The following USP6NL variants were observed in gnomAD, a reference collection of about 807,000 sequenced individuals.
The protein encoded by USP6NL is USP6 N-terminal-like protein.
In USP6NL, 26 loss-of-function variants were observed where a neutral mutation model predicts 61.9. The ratio of observed to expected loss-of-function variants is 0.42; its 90% CI spans 0.31 to 0.58. The LOEUF (loss-of-function observed/expected upper bound fraction) is 0.58. Among genes scored for constraint, USP6NL ranks in the 20% least tolerant of loss-of-function variants. The probability of loss-of-function intolerance (pLI) is 0.16; values close to 1 mark genes in which losing one functional copy is unlikely to be tolerated. For missense variants in USP6NL, 1,114 were observed against 1,034.3 expected (o/e 1.08, Z -1.06); for synonymous variants, 432 against 390.1 (o/e 1.11, Z -1.27).
chr10:11,514,376 T>C (rs1164551070), intron 5 of USP6NL, among the ~76,000 whole-genome samples: 2 of 152,196 alleles, frequency 1.3e-5, no homozygotes, highest in Non-Finnish European at 2.9e-5. Context: ...CCTTCTATAT[T>C]ATGAAATGAC....
intron 4 of USP6NL, among the ~76,000 whole-genome samples, chr10:11,523,458 T>C (rs1835288852): frequency 6.6e-6 from 1 of 152,208 alleles, no homozygotes; most frequent in Non-Finnish European, 1.5e-5. Flanking sequence ...GTGAATGTAG[T>C]TTTTTCTTAA....
In USP6NL at chr10:11,579,966, G is replaced by C. The variant is rs527266022; in HGVS notation, c.4+17665C>G. The stretch of plus-strand genomic sequence containing the variant: ...ACAAACCACCAGTGGAGAGTGGCGG[G>C]GGGGGGGCAGCAACGTCTAAAGACA... On this transcript the variant is annotated intron_variant, in intron 2 of 14. Coordinates refer to ENST00000609104, the MANE Select transcript of USP6NL (RefSeq NM_014688.5). Among the ~76,000 whole-genome samples, 12 of 148,482 alleles carry C rather than the reference G, an allele frequency of 8.1e-5. No homozygotes were observed. The South Asian group carries it at 2.0e-3, about 24-fold the overall frequency.
rs1832556178 is a variant in USP6NL at position 11,468,100 on chromosome 10, C to CCTT, written c.1079-4254_1079-4252dup. ...TTGATGGAGTCATGATGAGTGATCA[C>CCTT]CTTCTTTGCTTTCTGAGTGATCAAA... On this transcript the variant is annotated intron_variant, in intron 14 of 14. Coordinates refer to ENST00000609104, the MANE Select transcript of USP6NL (RefSeq NM_014688.5). This position sits in a 1 kb window ranked among gnomAD's most constrained non-coding sequence, Gnocchi z 4.5. 6.6e-6 allele frequency among the ~76,000 whole-genome samples: 1 copy of CCTT among 152,168 alleles called. No individual in the cohort carries two copies.
rs374844822 is a variant in USP6NL at position 11,597,621 on chromosome 10, G to A, written c.4+10C>T. 4 of 1,551,458 alleles carry A rather than the reference G, an allele frequency of 2.6e-6. No individual in the cohort carries two copies. In the African/African-American group the frequency reaches 5.5e-5, roughly 21 times the overall value. On this transcript the variant is annotated intron_variant, in intron 2 of 14. Transcript: ENST00000609104. This position sits in a 1 kb window ranked among gnomAD's most constrained non-coding sequence, Gnocchi z 4.6. The stretch of plus-strand genomic sequence containing the variant: ...GAGATGGCTGGAAGGAAAGGAAGCA[G>A]CGCACTTACTCATGACTGGAAATGG...
rs1424499495 is a variant in USP6NL at position 11,463,253 on chromosome 10, G to C, written c.1675C>G (p.Leu559Val). 1.2e-6 allele frequency: 2 copies of C among 1,613,664 alleles called. No individual in the cohort carries two copies. The highest frequency in any genetic ancestry group is 2.7e-5 in the African/African-American group (2 of 75,066). ...TCCTCCACGGAAGCGCCGCTGTCCA[G>C]CTCCGGGCCTGGCACGTTGTCGTAC... ...SQYDNVPGPE[L>V]DSGASVEEAL... The change falls in exon 15 of 15, where the codon CTG becomes GTG. Residue 559 changes from leucine to valine, a missense_variant. Leu to Val is a conservative substitution (Grantham distance 32). Coordinates refer to ENST00000609104, the MANE Select transcript of USP6NL (RefSeq NM_014688.5). The surrounding 1 kb of genome is among the most constrained non-coding windows in gnomAD (Gnocchi z 6.3).
intron 2 of USP6NL, chr10:11,564,980 T>G (rs896937170): frequency 6.6e-6 from 1 of 152,222 alleles, no homozygotes; most frequent in Non-Finnish European, 1.5e-5. Flanking sequence ...GTACTGCCAT[T>G]TATTAAGCAA....
At chr10:11,483,280 A>G (rs1363517395) in intron 13 of USP6NL, among the ~76,000 whole-genome samples, 1 of 152,018 alleles carries the variant, frequency 6.6e-6, no homozygotes, top group Middle Eastern at 3.2e-3. Flanking sequence ...TATGCTTAAC[A>G]TTTATTTACA....
At position 11,599,821 on chromosome 10, in the gene USP6NL, G is replaced by A. The variant is rs141565842; in HGVS notation, c.-83-2104C>T. ...ACTACAGGGACCTGCCACCACGCCC[G>A]GCTAATTTTTTGTATTTTTCACAGA... On this transcript the variant is annotated intron_variant, in intron 1 of 14. Coordinates refer to ENST00000609104, the MANE Select transcript of USP6NL (RefSeq NM_014688.5). 1.7e-4 allele frequency among the ~76,000 whole-genome samples: 26 copies of A among 149,914 alleles called. No individual in the cohort carries two copies. In the East Asian group the frequency reaches 2.8e-3, roughly 16 times the overall value.
intron 14 of USP6NL, among the ~76,000 whole-genome samples, chr10:11,477,286 T>G (rs1055772485): frequency 1.3e-5 from 2 of 152,134 alleles, no homozygotes; most frequent in African/African-American, 4.8e-5. Context: ...CTGGATAATT[T>G]TATCAAAGAG....
Position 11,495,667 on chromosome 10 carries a change from A to G in USP6NL, c.385-2439T>C, listed in dbSNP as rs1048441642. On this transcript the variant is annotated intron_variant, in intron 7 of 14. Transcript: ENST00000609104. This position sits in a 1 kb window ranked among gnomAD's most constrained non-coding sequence, Gnocchi z 4.6. ...TGAGTGTTCCTTTTTATAGCATTCT[A>G]TACTTGTTTTATGGATGCAGTATCT... Among the ~76,000 whole-genome samples the G allele has an allele frequency of 6.6e-6, 1 of 151,962 alleles. No individual in the cohort carries two copies. Among genetic ancestry groups the G allele is most frequent in the Non-Finnish European group, 1.5e-5 (1 of 68,032 alleles).
At chr10:11,533,479 C>A (rs978250003) in intron 2 of USP6NL, among the ~76,000 whole-genome samples, 1 of 152,148 alleles carries the variant, frequency 6.6e-6, no homozygotes, top group African/African-American at 2.4e-5. Flanking sequence ...GATTGCCCTG[C>A]ATCATGCAAG....
intron 14 of USP6NL, among the ~76,000 whole-genome samples, chr10:11,475,719 G>T (rs1245512236): frequency 6.6e-6 from 1 of 151,862 alleles, no homozygotes; most frequent in African/African-American, 2.4e-5. Context: ...GCATGAGGGA[G>T]AGCGTTAAAG....
At chr10:11,541,224 T>C (rs1836038313) in intron 2 of USP6NL, among the ~76,000 whole-genome samples, 1 of 117,648 alleles carries the variant, frequency 8.5e-6, no homozygotes, top group East Asian at 2.4e-4. Flanking sequence ...CAAACATCAA[T>C]AGTGCCATAT....
chr10:11,525,508 T>C lies in USP6NL; in HGVS notation c.73-40A>G, dbSNP rs779797127. The C allele has an allele frequency of 2.0e-6, 3 of 1,472,004 alleles. No individual in the cohort carries two copies. The highest frequency in any genetic ancestry group is 2.7e-6 in the Non-Finnish European group (3 of 1,098,184). The allele number at this position is 1,472,004 out of a possible 1,614,324, so 91.2% of individuals were successfully genotyped here. On this transcript the variant is annotated intron_variant, in intron 3 of 14. Coordinates refer to ENST00000609104, the MANE Select transcript of USP6NL (RefSeq NM_014688.5). This position sits in a 1 kb window ranked among gnomAD's most constrained non-coding sequence, Gnocchi z 5.0. ...AAAAAAAGGTGTTAATCAGAGTTTATAAAACTGAATAATTTTTTAAAATAA... is the reference window on the plus strand; with the variant it reads ...AAAAAAAGGTGTTAATCAGAGTTTACAAAACTGAATAATTTTTTAAAATAA...
At chr10:11,519,397 A>G (rs557276870) in intron 4 of USP6NL, among the ~76,000 whole-genome samples, 326 of 152,374 alleles carry the variant, frequency 2.1e-3, no homozygotes, top group African/African-American at 7.5e-3. Flanking sequence ...TGGGAGGCTG[A>G]GGCAGGTGGA....
In USP6NL at chr10:11,485,298, AAGTT is replaced by A; in HGVS notation, c.760-68_760-65del. 3 of 1,317,722 alleles carry A rather than the reference AAGTT, an allele frequency of 2.3e-6. No individual in the cohort carries two copies. The highest frequency in any genetic ancestry group is 2.1e-6 in the Non-Finnish European group (2 of 972,478). 81.6% of individuals were successfully genotyped at this position (1,317,722 alleles called of 1,614,324 possible). ...AAACTAAATTTAACAAAATAATACT[AAGTT>A]AGGAAGGCTGTTGGATGCAGCTATC... On this transcript the variant is annotated intron_variant, in intron 11 of 14. Transcript: ENST00000609104. The surrounding 1 kb of genome is among the most constrained non-coding windows in gnomAD (Gnocchi z 4.8).
At chr10:11,475,596 C>CAAAAAAA (rs35589300) in intron 14 of USP6NL, among the ~76,000 whole-genome samples, 19 of 38,684 alleles carry the variant, frequency 4.9e-4, no homozygotes, top group Non-Finnish European at 6.1e-4. Flanking sequence ...AACTCTGTCG[C>CAAAAAAA]AAAAAAAAAA....
chr10:11,493,125 C>A lies in USP6NL; in HGVS notation c.488G>T (p.Gly163Val), dbSNP rs996753103. 8.7e-6 allele frequency: 14 copies of A among 1,605,828 alleles called. No individual in the cohort carries two copies. The highest frequency in any genetic ancestry group is 1.2e-5 in the Non-Finnish European group (14 of 1,175,482). Residue 163 changes from glycine (G) to valine (V), a missense_variant, in exon 8 of 15, where the codon GGT becomes GTT. Physicochemically the swap from Gly to Val is moderately radical, Grantham distance 109. Transcript: ENST00000609104. ...AATATTAAACTTTACTCACTTAACA[C>A]CATATCTGTCTCTAAACATAATGTG... ...RDHIMFRDRY[G>V]VKQQSLFHVL...
chr10:11,578,777 A>G (rs975978628), intron 2 of USP6NL, among the ~76,000 whole-genome samples: 1 of 152,246 alleles, frequency 6.6e-6, no homozygotes, highest in Non-Finnish European at 1.5e-5. Flanking sequence ...CTTTATAACT[A>G]CAGAATTTAA....
Sources: allele counts gnomAD v4.1 joint callset (sites outside exome capture counted in the v4.1 genomes callset), GRCh38; gene constraint gnomAD v4.1.1; non-coding constraint Gnocchi (gnomAD v3.1); transcripts MANE v1.5; gene names NCBI Gene and HGNC (gene_info 2026-07-23, HGNC 2026-07-21).